Variants in NRG1 observed in about 807,000 individuals in gnomAD.
NRG1 encodes the protein neuregulin 1, also known as pro-neuregulin-1, membrane-bound isoform.
NRG1 carries 18 observed loss-of-function variants against 63.8 expected under a neutral mutation model. The ratio of observed to expected loss-of-function variants is 0.28; its 90% CI spans 0.19 to 0.42. NRG1 has a LOEUF of 0.42. Among genes scored for constraint, NRG1 ranks in the 10% least tolerant of loss-of-function variants. NRG1 has a pLI of 1.00. For synonymous variants in NRG1, 302 were observed against 301.3 expected (o/e 1.00, Z -0.02); for missense variants, 762 against 814.7 (o/e 0.94, Z 0.79).
chr8:31,663,983 T>C (rs1806270685), intron 1 of NRG1, among the ~76,000 whole-genome samples: 2 of 152,120 alleles, frequency 1.3e-5, no homozygotes, highest in Admixed American at 1.3e-4. Flanking sequence ...TTTTCTTTTT[T>C]TTTAGGGGGG....
downstream of NRG1, among the ~76,000 whole-genome samples, chr8:32,769,793 A>G (rs185887420): frequency 2.0e-5 from 3 of 152,280 alleles, no homozygotes; most frequent in Admixed American, 1.3e-4. Flanking sequence ...TAGGGTGGTC[A>G]TGCCCTCCCC....
intron 1 of NRG1, among the ~76,000 whole-genome samples, chr8:32,171,088 G>A (rs954860680): frequency 6.6e-6 from 1 of 152,138 alleles, no homozygotes; most frequent in African/African-American, 2.4e-5. Context: ...ATAGGGAGGA[G>A]AGGAGAGGCT....
At chr8:32,229,353 G>A (rs1016111151) in intron 1 of NRG1, among the ~76,000 whole-genome samples, 5 of 152,126 alleles carry the variant, frequency 3.3e-5, no homozygotes, top group African/African-American at 1.2e-4. Context: ...ACAGCTTTTG[G>A]GTTTGTGAGG....
At chr8:31,920,337 G>A (rs961527511) in intron 1 of NRG1, among the ~76,000 whole-genome samples, 3 of 152,114 alleles carry the variant, frequency 2.0e-5, no homozygotes, top group African/African-American at 7.2e-5. Flanking sequence ...ATTCTAAATA[G>A]TAAAAACTCT....
intron 2 of NRG1, among the ~76,000 whole-genome samples, chr8:32,598,942 A>G (rs183154691): frequency 4.6e-5 from 7 of 152,204 alleles, no homozygotes; most frequent in African/African-American, 1.7e-4. Context: ...CCCATTTAAA[A>G]CATTAATATC....
chr8:31,847,169 T>A (rs1826768131), intron 1 of NRG1, among the ~76,000 whole-genome samples: 1 of 152,222 alleles, frequency 6.6e-6, no homozygotes, highest in African/African-American at 2.4e-5. Context: ...CTAAATTGCA[T>A]CTCATTGGTG....
chr8:32,407,722 C>G (rs1167710048), intron 1 of NRG1, among the ~76,000 whole-genome samples: 2 of 152,176 alleles, frequency 1.3e-5, no homozygotes, highest in African/African-American at 4.8e-5. Context: ...AAGGGAGAAA[C>G]AGTGAGCATT....
At chr8:32,769,348 T>C (rs1040924265), downstream of NRG1, among the ~76,000 whole-genome samples, 1 of 152,184 alleles carries the variant, frequency 6.6e-6, no homozygotes, top group African/African-American at 2.4e-5. Flanking sequence ...AATGTCTGGA[T>C]AATTACTATA....
chr8:32,699,058 A>C (rs1021121775), intron 5 of NRG1, among the ~76,000 whole-genome samples: 1 of 152,238 alleles, frequency 6.6e-6, no homozygotes, highest in African/African-American at 2.4e-5. Context: ...CCTTAAAGCT[A>C]ACCCAAAGTT....
intron 1 of NRG1, among the ~76,000 whole-genome samples, chr8:32,522,876 G>A (rs1030308557): frequency 1.1e-4 from 16 of 150,478 alleles, no homozygotes; most frequent in African/African-American, 3.4e-4. Flanking sequence ...TGCCATCATA[G>A]CTCACTGCAG....
chr8:32,772,550 CCTTT>C (rs1831886424), downstream of NRG1, among the ~76,000 whole-genome samples: 1 of 151,966 alleles, frequency 6.6e-6, no homozygotes, highest in Admixed American at 6.6e-5. Flanking sequence ...AAACTTTGCA[CCTTT>C]CTAATTATTA....
At chr8:32,655,241 C>G (rs1292332997) in intron 5 of NRG1, among the ~76,000 whole-genome samples, 1 of 152,016 alleles carries the variant, frequency 6.6e-6, no homozygotes, top group African/African-American at 2.4e-5. Flanking sequence ...TTTAGGGGAA[C>G]CTTATGAAAA....
chr8:31,685,543 G>T (rs1035731820), intron 1 of NRG1, among the ~76,000 whole-genome samples: 1 of 152,114 alleles, frequency 6.6e-6, no homozygotes, highest in East Asian at 1.9e-4. Flanking sequence ...TCTACATAAA[G>T]TGTACAATTT....
intron 1 of NRG1, among the ~76,000 whole-genome samples, chr8:32,164,228 T>C (rs1219464424): frequency 7.3e-6 from 1 of 137,916 alleles, no homozygotes; most frequent in Non-Finnish European, 1.5e-5. Context: ...AACACTAGTT[T>C]CATCATCTCC....
chr8:32,616,336 CT>C (rs1310460539), intron 4 of NRG1, among the ~76,000 whole-genome samples: 1 of 152,030 alleles, frequency 6.6e-6, no homozygotes. Flanking sequence ...TTTGCATGGA[CT>C]TTTCAGCACT....
chr8:31,826,109 G>A (rs1050576932), intron 1 of NRG1, among the ~76,000 whole-genome samples: 2 of 152,144 alleles, frequency 1.3e-5, no homozygotes, highest in African/African-American at 4.8e-5. Context: ...TGCCAGCTGG[G>A]ATAAAAGGCT....
intron 1 of NRG1, among the ~76,000 whole-genome samples, chr8:32,398,647 A>C (rs1812756318): frequency 6.6e-6 from 1 of 151,932 alleles, no homozygotes; most frequent in Non-Finnish European, 1.5e-5. Flanking sequence ...CTGACCTCAG[A>C]TGGTCCACCC....
chr8:32,615,078 G>A (rs1254723327), intron 4 of NRG1, among the ~76,000 whole-genome samples: 1 of 151,988 alleles, frequency 6.6e-6, no homozygotes, highest in Admixed American at 6.6e-5. Flanking sequence ...TCTTTGTTTT[G>A]GTTGGTTTCT....
At chr8:32,461,425 G>A (rs1031126983) in intron 1 of NRG1, among the ~76,000 whole-genome samples, 9 of 152,214 alleles carry the variant, frequency 5.9e-5, no homozygotes, top group East Asian at 5.8e-4. Flanking sequence ...ATGGCTGGGC[G>A]CGGTGGCTCA....
Sources: allele counts gnomAD v4.1 joint callset (sites outside exome capture counted in the v4.1 genomes callset), GRCh38; gene constraint gnomAD v4.1.1; transcripts MANE v1.5; gene names NCBI Gene and HGNC (gene_info 2026-07-23, HGNC 2026-07-21).